The following NEK10 variants were observed in gnomAD, a reference collection of about 807,000 sequenced individuals.
NEK10 encodes the protein serine/threonine-protein kinase Nek10.
NEK10 carries 122 observed loss-of-function variants against 159.8 expected under a neutral mutation model. The ratio of observed to expected loss-of-function variants is 0.76; its 90% CI spans 0.66 to 0.89. The LOEUF (loss-of-function observed/expected upper bound fraction) is 0.89. Ranked by LOEUF, NEK10 falls within the 40% of genes least tolerant of loss-of-function variation. The probability of loss-of-function intolerance (pLI) is 0.00; values close to 1 mark genes in which losing one functional copy is unlikely to be tolerated. For missense variants in NEK10, 1,342 were observed against 1,323.1 expected (o/e 1.01, Z -0.22); for synonymous variants, 466 against 457.1 (o/e 1.02, Z -0.25).
At chr3:27,144,937 G>A (rs888964974) in intron 30 of NEK10, among the ~76,000 whole-genome samples, 2 of 151,908 alleles carry the variant, frequency 1.3e-5, no homozygotes, top group Non-Finnish European at 2.9e-5. Context: ...GGACAGGCTC[G>A]TCTTGAACTC....
chr3:27,200,147 G>C (rs1017835248), intron 25 of NEK10, among the ~76,000 whole-genome samples: 2 of 152,178 alleles, frequency 1.3e-5, no homozygotes, highest in African/African-American at 2.4e-5. Flanking sequence ...TAAGACTGTA[G>C]ATTAGTATTG....
chr3:27,133,540 C>A (rs1185158658), intron 31 of NEK10, among the ~76,000 whole-genome samples: 1 of 152,038 alleles, frequency 6.6e-6, no homozygotes, highest in Non-Finnish European at 1.5e-5. Context: ...TTTGGGAGGC[C>A]GAGGCAGGAG....
At chr3:27,280,273 C>A (rs2042063844) in intron 22 of NEK10, among the ~76,000 whole-genome samples, 1 of 151,002 alleles carries the variant, frequency 6.6e-6, no homozygotes, top group Non-Finnish European at 1.5e-5. Flanking sequence ...AAAAATGCTA[C>A]CCATGCATCT....
rs1435801917 is a variant in NEK10 at position 27,214,885 on chromosome 3, A to G, written c.2091-12328T>C. On this transcript the variant is annotated intron_variant, in intron 23 of 35. Transcript: ENST00000691995. ...AGTAAGCCATTCCTAATCCCATGCC[A>G]GAACGGAAGGCTAATGGCCACATTC... 3 of 1,209,218 alleles carry G rather than the reference A, an allele frequency of 2.5e-6. No homozygotes were observed. The Admixed American group carries it at 5.1e-5, about 21-fold the overall frequency. The allele number at this position is 1,209,218 out of a possible 1,614,324, so 74.9% of individuals were successfully genotyped here. A position where few individuals can be genotyped will look rare whatever the true frequency, so the allele number is the denominator to read the frequency against.
At chr3:27,214,392 A>T (rs1016627525) in intron 23 of NEK10, among the ~76,000 whole-genome samples, 2 of 152,160 alleles carry the variant, frequency 1.3e-5, no homozygotes, top group African/African-American at 4.8e-5. Context: ...TTTCTAGGTA[A>T]AAGTTAAAAA....
chr3:27,287,778 T>G (rs1345529691), intron 19 of NEK10, 35 bp from the exon 20 acceptor site: 1 of 1,490,326 alleles, frequency 6.7e-7, no homozygotes, highest in Non-Finnish European at 8.9e-7. Context: ...TGTATTGCAC[T>G]GCTTCAAAAT....
chr3:27,280,311 TA>T (rs5847455), intron 22 of NEK10, among the ~76,000 whole-genome samples: 40,239 of 151,704 alleles, frequency 0.27, 5,454 homozygotes, highest in Middle Eastern at 0.39. Flanking sequence ...GGAGCCCATT[TA>T]ACCCTGCAGA....
intron 31 of NEK10, among the ~76,000 whole-genome samples, chr3:27,139,983 T>A (rs964481898): frequency 6.6e-6 from 1 of 152,162 alleles, no homozygotes; most frequent in Non-Finnish European, 1.5e-5. Flanking sequence ...TTTCAATGTA[T>A]CCAGTTGTCA....
At chr3:27,282,695 T>C (rs1284914723) in intron 22 of NEK10, among the ~76,000 whole-genome samples, 2 of 143,168 alleles carry the variant, frequency 1.4e-5, no homozygotes, top group East Asian at 2.0e-4. Context: ...TATATATACA[T>C]AACTGTGTTA....
intron 11 of NEK10, among the ~76,000 whole-genome samples, chr3:27,306,218 G>C (rs1403597656): frequency 3.3e-5 from 5 of 152,082 alleles, no homozygotes; most frequent in African/African-American, 9.7e-5. Context: ...GGGCAACGTT[G>C]GGATTCTTTT....
At chr3:27,181,369 A>G (rs1384666304) in intron 26 of NEK10, among the ~76,000 whole-genome samples, 2 of 152,088 alleles carry the variant, frequency 1.3e-5, no homozygotes, top group African/African-American at 4.8e-5. Flanking sequence ...AAAGAAGAGA[A>G]ACTATATTTA....
At chr3:27,166,450 A>C (rs1471564494) in intron 29 of NEK10, among the ~76,000 whole-genome samples, 1 of 152,168 alleles carries the variant, frequency 6.6e-6, no homozygotes, top group Non-Finnish European at 1.5e-5. Context: ...GGCCAGGTTG[A>C]TTCTAGCAAG....
intron 32 of NEK10, among the ~76,000 whole-genome samples, chr3:27,120,474 C>G (rs972136329): frequency 2.7e-5 from 4 of 150,574 alleles, no homozygotes; most frequent in African/African-American, 7.3e-5. Context: ...AGGCACCCAC[C>G]ACCATGCCCA....
intron 6 of NEK10, among the ~76,000 whole-genome samples, chr3:27,320,264 A>G (rs560241149): frequency 6.6e-6 from 1 of 152,300 alleles, no homozygotes; most frequent in East Asian, 1.9e-4. Flanking sequence ...ATCCACCCAG[A>G]ATGAGATTAA....
chr3:27,361,326 C>CA (rs1461067994), intron 1 of NEK10, among the ~76,000 whole-genome samples: 3 of 152,160 alleles, frequency 2.0e-5, no homozygotes, highest in Admixed American at 6.5e-5. Flanking sequence ...ATATGGTTTA[C>CA]AATGTGCCTG....
intron 31 of NEK10, among the ~76,000 whole-genome samples, chr3:27,137,069 T>C (rs1171164197): frequency 6.6e-6 from 1 of 152,240 alleles, no homozygotes; most frequent in African/African-American, 2.4e-5. Flanking sequence ...TACATGTATT[T>C]TTCTTTTTTA....
At chr3:27,213,249 T>C (rs1211023130) in intron 23 of NEK10, among the ~76,000 whole-genome samples, 1 of 152,164 alleles carries the variant, frequency 6.6e-6, no homozygotes, top group Non-Finnish European at 1.5e-5. Context: ...GCCAAGAACC[T>C]GGACTCCCTC....
intron 22 of NEK10, among the ~76,000 whole-genome samples, chr3:27,276,982 G>C (rs535034211): frequency 6.6e-6 from 1 of 152,290 alleles, no homozygotes; most frequent in South Asian, 2.1e-4. Context: ...GTAGTCACAT[G>C]ACTTGGTTTC....
At position 27,107,691 on chromosome 3, in the gene NEK10, C is replaced by A. The variant is rs1364124122; in HGVS notation, c.*3581G>T. Among the ~76,000 whole-genome samples, 1 of 152,172 alleles carries A rather than the reference C, an allele frequency of 6.6e-6. No individual in the cohort carries two copies. Among genetic ancestry groups the A allele is most frequent in the Admixed American group, 6.5e-5 (1 of 15,278 alleles). Reference sequence around the variant, plus strand: ...ACGTTGGAGCCCTTCATAGCTGTAACTCCAGGGTGCCAAGAAGCTGTTTCA... The same window carrying A: ...ACGTTGGAGCCCTTCATAGCTGTAAATCCAGGGTGCCAAGAAGCTGTTTCA... On this transcript the variant is annotated 3_prime_UTR_variant, in exon 36 of 36. Coordinates refer to ENST00000691995, the MANE Select transcript of NEK10 (RefSeq NM_001394966.1).
Sources: allele counts gnomAD v4.1 joint callset (sites outside exome capture counted in the v4.1 genomes callset), GRCh38; gene constraint gnomAD v4.1.1; transcripts MANE v1.5; gene names NCBI Gene and HGNC (gene_info 2026-07-23, HGNC 2026-07-21).